The following DLGAP2 variants were observed in gnomAD, a reference collection of about 807,000 sequenced individuals.
DLGAP2 encodes DLG associated protein 2, also known as disks large-associated protein 2.
In DLGAP2, 26 loss-of-function variants were observed where a neutral mutation model predicts 100.3. The observed-to-expected ratio is 0.26, with a 90% CI of 0.19 to 0.36. The LOEUF (loss-of-function observed/expected upper bound fraction) is 0.36, where lower values mean the gene tolerates loss of function less well. DLGAP2 is among the 10% of genes least tolerant of loss of function. DLGAP2 has a pLI of 1.00. For synonymous variants in DLGAP2, 886 were observed against 630.1 expected (o/e 1.41, Z -6.08); for missense variants, 1,858 against 1,453.2 (o/e 1.28, Z -4.53).
rs373926843 is a variant in DLGAP2 at position 1,017,620 on chromosome 8, A to G, written c.73+109654A>G. Among the ~76,000 whole-genome samples the G allele has an allele frequency of 1.5e-3, 222 of 144,196 alleles. 5 individuals carry two copies. The East Asian group carries it at 0.034, about 22-fold the overall frequency. The allele number at this position is 144,196 out of a possible 152,430, so 94.6% of individuals were successfully genotyped here. On this transcript the variant is annotated intron_variant, in intron 2 of 14. Coordinates refer to ENST00000637795, the MANE Select transcript of DLGAP2 (RefSeq NM_001346810.2). ...TGTGACCAGGACAGACGGCGCCTCC[A>G]CTGTGTGTGTGACCGGGACAGATGA... is the stretch of plus-strand genomic sequence containing the variant.
chr8:963,229 C>T (rs78246242), intron 2 of DLGAP2, among the ~76,000 whole-genome samples: 2 of 151,964 alleles, frequency 1.3e-5, no homozygotes, highest in African/African-American at 2.4e-5. Flanking sequence ...GATGTAGCTT[C>T]GCCACCCCAC....
chr8:1,204,192 C>G (rs17816088), intron 2 of DLGAP2, among the ~76,000 whole-genome samples: 29,028 of 152,244 alleles, frequency 0.19, 3,026 homozygotes, highest in East Asian at 0.39. Context: ...ACACCCATCA[C>G]AGAATATCAG....
rs140322213 is a variant in DLGAP2, at chr8:1,214,682, G to A, written c.74-44169G>A. ...TGAGGTCCTTTTTAACAAGGACGGC[G>A]CCTTTCATTCTGTGCACTGCACCTA... On this transcript the variant is annotated intron_variant, in intron 2 of 14. Coordinates refer to ENST00000637795, the MANE Select transcript of DLGAP2 (RefSeq NM_001346810.2). Among the ~76,000 whole-genome samples, 902 of 152,304 alleles carry A rather than the reference G, an allele frequency of 5.9e-3. 7 individuals are homozygous for A. Among genetic ancestry groups the A allele is most frequent in the African/African-American group, 0.02 (812 of 41,570 alleles).
intron 1 of DLGAP2, among the ~76,000 whole-genome samples, chr8:867,845 AGCGGT>A (rs1797527107): frequency 6.6e-6 from 1 of 152,246 alleles, no homozygotes; most frequent in Admixed American, 6.5e-5. Context: ...GCATTATTTA[AGCGGT>A]GTGTTTAGTT....
intron 2 of DLGAP2, among the ~76,000 whole-genome samples, chr8:1,017,790 C>A (rs1801510145): frequency 1.3e-5 from 2 of 151,976 alleles, no homozygotes; most frequent in African/African-American, 4.8e-5. Flanking sequence ...GTGCAAGTGG[C>A]CACCTCACTC....
chr8:1,072,680 T>C (rs1281680376), intron 2 of DLGAP2, among the ~76,000 whole-genome samples: 1 of 152,184 alleles, frequency 6.6e-6, no homozygotes, highest in African/African-American at 2.4e-5. Context: ...ACCATCATGC[T>C]CTCCTGGAGA....
intron 3 of DLGAP2, among the ~76,000 whole-genome samples, chr8:1,311,368 C>T (rs899044600): frequency 6.6e-6 from 1 of 152,160 alleles, no homozygotes; most frequent in African/African-American, 2.4e-5. Context: ...TGAATTAACA[C>T]AAATCCACAG....
intron 2 of DLGAP2, among the ~76,000 whole-genome samples, chr8:1,106,909 C>A (rs939380126): frequency 6.6e-6 from 1 of 152,172 alleles, no homozygotes; most frequent in Admixed American, 6.5e-5. Flanking sequence ...GAGGATAAGA[C>A]TCTAAGGGTT....
intron 2 of DLGAP2, among the ~76,000 whole-genome samples, chr8:1,193,906 G>A (rs550041542): frequency 2.3e-4 from 35 of 152,292 alleles, no homozygotes; most frequent in African/African-American, 7.7e-4. Flanking sequence ...CCCCAGCCAG[G>A]AGGAGCCGCT....
At chr8:1,434,912 C>T (rs1012253859) in intron 3 of DLGAP2, among the ~76,000 whole-genome samples, 4 of 152,166 alleles carry the variant, frequency 2.6e-5, no homozygotes, top group Non-Finnish European at 5.9e-5. Flanking sequence ...GGCTTTGATG[C>T]AGGAATGGGC....
At chr8:935,239 G>T (rs1482087379) in intron 2 of DLGAP2, among the ~76,000 whole-genome samples, 1 of 152,228 alleles carries the variant, frequency 6.6e-6, no homozygotes, top group Non-Finnish European at 1.5e-5. Context: ...AGGGCTCAGA[G>T]ATGTGCTCTT....
chr8:829,278 T>G (rs764959284), intron 1 of DLGAP2, among the ~76,000 whole-genome samples: 3 of 152,200 alleles, frequency 2.0e-5, no homozygotes, highest in Non-Finnish European at 2.9e-5. Flanking sequence ...GGAAACCAAG[T>G]TCTAGTTCAG....
At chr8:1,250,352 T>G (rs1799011394) in intron 2 of DLGAP2, 1 of 152,372 alleles carries the variant, frequency 6.6e-6, no homozygotes, top group Middle Eastern at 3.4e-3. Flanking sequence ...CACTTCCTCC[T>G]GCCACAGCTG....
intron 3 of DLGAP2, among the ~76,000 whole-genome samples, chr8:1,484,469 C>T (rs941462629): frequency 3.3e-5 from 5 of 152,244 alleles, no homozygotes; most frequent in Non-Finnish European, 7.3e-5. Flanking sequence ...ACGGCTCTGC[C>T]CCAGAGCGGT....
intron 3 of DLGAP2, among the ~76,000 whole-genome samples, chr8:1,343,677 C>A (rs924063746): frequency 2.0e-5 from 3 of 150,754 alleles, no homozygotes; most frequent in African/African-American, 4.8e-5. Flanking sequence ...GTTCCGCAGT[C>A]AGCTTTTGGA....
chr8:1,446,573 G>T (rs1158408621), intron 3 of DLGAP2, among the ~76,000 whole-genome samples: 1 of 151,956 alleles, frequency 6.6e-6, no homozygotes, highest in Non-Finnish European at 1.5e-5. Flanking sequence ...TTGGCGATGC[G>T]GGCTCTTTTT....
At chr8:770,228 G>C (rs1032405003) in intron 1 of DLGAP2, among the ~76,000 whole-genome samples, 1 of 152,156 alleles carries the variant, frequency 6.6e-6, no homozygotes, top group Non-Finnish European at 1.5e-5. Context: ...GCTGCGGAAT[G>C]CTCATCTCGT....
At chr8:1,409,791 T>C (rs759595575) in intron 3 of DLGAP2, among the ~76,000 whole-genome samples, 1 of 152,162 alleles carries the variant, frequency 6.6e-6, no homozygotes, top group Non-Finnish European at 1.5e-5. Context: ...GGGACCTTCA[T>C]CTTCTCCTGC....
At chr8:1,074,999 A>G (rs1312762514) in intron 2 of DLGAP2, among the ~76,000 whole-genome samples, 2 of 151,050 alleles carry the variant, frequency 1.3e-5, no homozygotes, top group African/African-American at 4.9e-5. Context: ...TCACCAACAA[A>G]CAGTGCAGCC....
Sources: allele counts gnomAD v4.1 joint callset (sites outside exome capture counted in the v4.1 genomes callset), GRCh38; gene constraint gnomAD v4.1.1; transcripts MANE v1.5; gene names NCBI Gene and HGNC (gene_info 2026-07-23, HGNC 2026-07-21).